HDAC4: variants seen among roughly 807,000 people sequenced by gnomAD.
HDAC4 encodes the protein histone deacetylase A.
Under a neutral mutation model 135.1 loss-of-function variants are expected in HDAC4, and 16 were observed. That is an observed-to-expected ratio of 0.12 (90% confidence interval 0.08 to 0.18). The LOEUF is 0.18. Ranked by LOEUF, HDAC4 falls within the 10% of genes least tolerant of loss-of-function variation. The pLI is 1.00. For missense variants in HDAC4, 1,143 were observed against 1,511.8 expected (o/e 0.76, Z 4.05); for synonymous variants, 685 against 653.4 (o/e 1.05, Z -0.74).
rs1015123381 is a variant in HDAC4 at position 239,299,287 on chromosome 2, G to A, written c.22+53391C>T. ...ATCAGAGTGAAAATGCCTCATGATTGGTCCATCCTGTACAATAGGTTTATT... is the reference window on the plus strand; with the variant it reads ...ATCAGAGTGAAAATGCCTCATGATTAGTCCATCCTGTACAATAGGTTTATT... On this transcript the variant is annotated intron_variant, in intron 2 of 26. Coordinates refer to ENST00000543185, the MANE Select transcript of HDAC4 (RefSeq NM_001378414.1). The surrounding 1 kb of genome is among the most constrained non-coding windows in gnomAD (Gnocchi z 4.0). Among the ~76,000 whole-genome samples the A allele has an allele frequency of 6.6e-6, 1 of 152,150 alleles. No individual in the cohort carries two copies. Among genetic ancestry groups the A allele is most frequent in the Non-Finnish European group, 1.5e-5 (1 of 68,030 alleles).
Position 239,236,635 on chromosome 2 carries a change from C to G in HDAC4, c.52G>C (p.Glu18Gln). The G allele has an allele frequency of 1.9e-6, 3 of 1,551,760 alleles. No individual in the cohort carries two copies. The highest frequency in any genetic ancestry group is 2.6e-6 in the Non-Finnish European group (3 of 1,147,004). The stretch of plus-strand genomic sequence containing the variant: ...TTCACGCGGGCAGGATTCAGCAGCT[C>G]CACTGGCTGGTCTCGGCCAGAAAGT... ...DGLSGRDQPV[E>Q]LLNPARVNHM... The change falls in exon 3 of 27, where the codon GAG becomes CAG. Residue 18 changes from glutamate to glutamine, a missense_variant. By Grantham distance (29) the Glu-to-Gln change is conservative. Around this residue, in one of 9 missense-constraint regions of HDAC4, gnomAD observed 247 missense variants for 310.0 expected, o/e 0.80. Transcript: ENST00000543185.
chr2:239,116,472 G>A (rs2152814045), intron 12 of HDAC4, among the ~76,000 whole-genome samples: 1 of 152,348 alleles, frequency 6.6e-6, no homozygotes, highest in South Asian at 2.1e-4. Context: ...AAACGCCTCT[G>A]GACGGTGCTG....
intron 3 of HDAC4, among the ~76,000 whole-genome samples, chr2:239,212,670 G>A (rs2046407171): frequency 1.3e-5 from 2 of 152,240 alleles, no homozygotes; most frequent in African/African-American, 2.4e-5. Context: ...AGCATGGGCA[G>A]TAAACAGGGG....
chr2:239,183,869 G>T (rs1439917769), intron 4 of HDAC4, among the ~76,000 whole-genome samples: 2 of 151,680 alleles, frequency 1.3e-5, no homozygotes, highest in Non-Finnish European at 2.9e-5. Context: ...GTATTAAAGA[G>T]AATAAGGATC....
intron 7 of HDAC4, among the ~76,000 whole-genome samples, chr2:239,150,425 A>G (rs2042039187): frequency 6.6e-6 from 1 of 151,556 alleles, no homozygotes; most frequent in Non-Finnish European, 1.5e-5. Flanking sequence ...ACAGATACAC[A>G]CCCCACACAC....
chr2:239,322,436 C>T (rs1428587233), intron 2 of HDAC4, among the ~76,000 whole-genome samples: 2 of 152,242 alleles, frequency 1.3e-5, no homozygotes, highest in Non-Finnish European at 2.9e-5. Flanking sequence ...AGGACCCATC[C>T]GTAGGCTGTT....
At chr2:239,203,849 T>G (rs548717) in intron 3 of HDAC4, among the ~76,000 whole-genome samples, 137,404 of 152,248 alleles carry the variant, frequency 0.9, 62,138 homozygotes, top group South Asian at 0.97. Context: ...TCAGCTTCAA[T>G]GGATTCGAGT....
chr2:239,111,242 A>G (rs529468876), intron 14 of HDAC4, among the ~76,000 whole-genome samples: 11 of 152,360 alleles, frequency 7.2e-5, no homozygotes, highest in East Asian at 1.9e-4. Flanking sequence ...CCCCACGGGC[A>G]TGGGCTGTGG....
At chr2:239,315,263 T>C (rs2053068238) in intron 2 of HDAC4, among the ~76,000 whole-genome samples, 1 of 152,180 alleles carries the variant, frequency 6.6e-6, no homozygotes, top group Admixed American at 6.5e-5. Flanking sequence ...AACCAAGCTG[T>C]TCCCCGACCA....
intron 2 of HDAC4, among the ~76,000 whole-genome samples, chr2:239,242,699 T>C (rs914413648): frequency 6.6e-5 from 10 of 152,216 alleles, no homozygotes; most frequent in Non-Finnish European, 1.5e-4. Flanking sequence ...AAAGACACTT[T>C]GGTCTTGTTT....
intron 3 of HDAC4, among the ~76,000 whole-genome samples, chr2:239,229,593 T>G (rs1216183003): frequency 6.6e-6 from 1 of 152,152 alleles, no homozygotes; most frequent in Non-Finnish European, 1.5e-5. Flanking sequence ...CAGGTTGGCT[T>G]TATGCGTTTT....
chr2:239,259,822 T>G (rs745843311), intron 2 of HDAC4, among the ~76,000 whole-genome samples: 10 of 152,212 alleles, frequency 6.6e-5, no homozygotes, highest in Non-Finnish European at 1.3e-4. Context: ...TGGTATGGCG[T>G]GAGCCCCAGT....
Position 239,078,432 on chromosome 2 carries a change from A to T in HDAC4, c.2750+2663T>A, listed in dbSNP as rs559485496. ...GGGCCCCCGTGGGGGAGAAGAGCAG[A>T]AGAAAGGGGAAAACCAATTTCTGAC... On this transcript the variant is annotated intron_variant, in intron 22 of 26. Transcript: ENST00000543185. 3.3e-4 allele frequency among the ~76,000 whole-genome samples: 50 copies of T among 152,308 alleles called. 1 individual carries two copies. The highest frequency in any genetic ancestry group is 1.2e-3 in the African/African-American group (48 of 41,578).
At chr2:239,381,209 G>T (rs1695396307) in intron 1 of HDAC4, among the ~76,000 whole-genome samples, 1 of 152,208 alleles carries the variant, frequency 6.6e-6, no homozygotes, top group African/African-American at 2.4e-5. Flanking sequence ...GAGCTGAGCT[G>T]CAGTGAAGAC....
At chr2:239,389,914 G>A (rs1450679768) in intron 1 of HDAC4, among the ~76,000 whole-genome samples, 1 of 152,170 alleles carries the variant, frequency 6.6e-6, no homozygotes, top group Non-Finnish European at 1.5e-5. Flanking sequence ...TTCAATACGT[G>A]GCTGGAGCCA....
chr2:239,223,907 G>A (rs1294023997), intron 3 of HDAC4, among the ~76,000 whole-genome samples: 2 of 150,864 alleles, frequency 1.3e-5, no homozygotes, highest in Non-Finnish European at 2.9e-5. Flanking sequence ...GACCTTGCAC[G>A]GAGGAGATCC....
intron 2 of HDAC4, among the ~76,000 whole-genome samples, chr2:239,271,915 A>G (rs912390578): frequency 1.3e-5 from 2 of 152,230 alleles, no homozygotes; most frequent in Non-Finnish European, 2.9e-5. Context: ...ATACTCAACA[A>G]GACCAATACA....
intron 24 of HDAC4, among the ~76,000 whole-genome samples, chr2:239,061,540 T>C (rs938782108): frequency 1.3e-5 from 2 of 152,044 alleles, no homozygotes; most frequent in Admixed American, 6.6e-5. Context: ...ATGTGTGGTG[T>C]GCATGAGCAA....
intron 2 of HDAC4, among the ~76,000 whole-genome samples, chr2:239,247,586 A>C (rs1277900693): frequency 6.6e-6 from 1 of 152,252 alleles, no homozygotes; most frequent in Non-Finnish European, 1.5e-5. Flanking sequence ...CTCAGCAACG[A>C]AAACCACTAT....
Sources: allele counts gnomAD v4.1 joint callset (sites outside exome capture counted in the v4.1 genomes callset), GRCh38; gene constraint gnomAD v4.1.1; regional missense constraint gnomAD v4.1.1; non-coding constraint Gnocchi (gnomAD v3.1); transcripts MANE v1.5; gene names NCBI Gene and HGNC (gene_info 2026-07-23, HGNC 2026-07-21).